The following DLGAP1 variants were observed in gnomAD, a reference collection of about 807,000 sequenced individuals.
DLGAP1 encodes disks large-associated protein 1.
DLGAP1 carries 11 observed loss-of-function variants against 90.8 expected under a neutral mutation model. The observed-to-expected ratio is 0.12, with a 90% CI of 0.08 to 0.20. The LOEUF (loss-of-function observed/expected upper bound fraction) is 0.20. Ranked by LOEUF, DLGAP1 falls within the 10% of genes least tolerant of loss-of-function variation. The pLI, the probability that DLGAP1 is intolerant of heterozygous loss-of-function variation, is 1.00. For missense variants in DLGAP1, 1,050 were observed against 1,333.8 expected, an observed-to-expected ratio of 0.79 and a Z score of 3.31; for synonymous variants, 558 against 540.7, an observed-to-expected ratio of 1.03 and a Z score of -0.44.
intron 3 of DLGAP1, among the ~76,000 whole-genome samples, chr18:3,916,297 C>T (rs1599155344): frequency 6.6e-6 from 1 of 152,282 alleles, no homozygotes; most frequent in East Asian, 1.9e-4. Flanking sequence ...GGCTTGGGCT[C>T]CCTGCCATCT....
Position 4,127,389 on chromosome 18 carries a change from T to C in DLGAP1, c.-159+23791A>G, listed in dbSNP as rs371460902. Among the ~76,000 whole-genome samples the C allele has an allele frequency of 1.2e-4, 18 of 152,302 alleles. 3 individuals are homozygous for C. The highest frequency in any genetic ancestry group is 7.2e-5 in the African/African-American group (3 of 41,574). On this transcript the variant is annotated intron_variant, in intron 2 of 12. Coordinates refer to ENST00000315677, the MANE Select transcript of DLGAP1 (RefSeq NM_004746.4). ...ACTACTTGCATTTTTTGGTAATCAT[T>C]AGTCATTTTACTGCAAAAATGAAGA...
chr18:3,974,215 C>T (rs2149011796), intron 3 of DLGAP1, among the ~76,000 whole-genome samples: 1 of 152,200 alleles, frequency 6.6e-6, no homozygotes, highest in East Asian at 1.9e-4. Context: ...GCTGGGATCA[C>T]AGGTGCCCAC....
intron 4 of DLGAP1, among the ~76,000 whole-genome samples, chr18:3,856,537 A>G (rs1345725347): frequency 6.6e-6 from 1 of 152,106 alleles, no homozygotes; most frequent in Admixed American, 6.6e-5. Context: ...GAAGAAACCT[A>G]TTACTAATGG....
At chr18:3,835,629 C>G (rs1339957642) in intron 4 of DLGAP1, among the ~76,000 whole-genome samples, 1 of 134,448 alleles carries the variant, frequency 7.4e-6, no homozygotes, top group Non-Finnish European at 1.5e-5. Flanking sequence ...AGTGTGGCAA[C>G]AGAGCAAGGC....
At chr18:4,272,481 G>A (rs1049258764) in intron 1 of DLGAP1, among the ~76,000 whole-genome samples, 6 of 152,196 alleles carry the variant, frequency 3.9e-5, no homozygotes, top group Admixed American at 1.3e-4. Flanking sequence ...TAGCAGCCAT[G>A]TGATGGCATT....
At chr18:3,913,086 T>G (rs2072070115) in intron 3 of DLGAP1, among the ~76,000 whole-genome samples, 1 of 152,174 alleles carries the variant, frequency 6.6e-6, no homozygotes, top group Non-Finnish European at 1.5e-5. Context: ...TTAGGATTCC[T>G]TAGTGGGAAG....
At chr18:4,112,696 T>C (rs1598421718) in intron 2 of DLGAP1, among the ~76,000 whole-genome samples, 1 of 152,214 alleles carries the variant, frequency 6.6e-6, no homozygotes, top group East Asian at 1.9e-4. Flanking sequence ...AGGTTTGGGG[T>C]ACAATTTATC....
chr18:4,170,282 G>A (rs1465720877), intron 1 of DLGAP1, among the ~76,000 whole-genome samples: 1 of 152,174 alleles, frequency 6.6e-6, no homozygotes, highest in Admixed American at 6.5e-5. Context: ...TGGGATTAAT[G>A]GAGTTCCATT....
chr18:3,937,155 A>G (rs973865254), intron 3 of DLGAP1, among the ~76,000 whole-genome samples: 2 of 152,238 alleles, frequency 1.3e-5, no homozygotes, highest in African/African-American at 4.8e-5. Flanking sequence ...GTGTGCTTTC[A>G]AGCTACTACA....
chr18:3,653,255 C>G lies in DLGAP1; in HGVS notation c.1592-71007G>C, dbSNP rs2059375733. On this transcript the variant is annotated intron_variant, in intron 7 of 12. Coordinates refer to ENST00000315677, the MANE Select transcript of DLGAP1 (RefSeq NM_004746.4). The surrounding 1 kb of genome is among the most constrained non-coding windows in gnomAD (Gnocchi z 4.6). ...CCTGCCATTGGTGCGACTGTTTCCCCCTTCCGTCAAATTGCTGTCTAGATG... is the reference window on the plus strand; with the variant it reads ...CCTGCCATTGGTGCGACTGTTTCCCGCTTCCGTCAAATTGCTGTCTAGATG... Among the ~76,000 whole-genome samples, 1 of 152,072 alleles carries G rather than the reference C, an allele frequency of 6.6e-6. No individual in the cohort carries two copies. The highest frequency in any genetic ancestry group is 1.5e-5 in the Non-Finnish European group (1 of 68,022).
At chr18:3,670,957 C>T (rs11872098) in intron 7 of DLGAP1, among the ~76,000 whole-genome samples, 37,656 of 152,096 alleles carry the variant, frequency 0.25, 5,091 homozygotes, top group African/African-American at 0.34. Flanking sequence ...TTAATAATCT[C>T]CCACTGCTCT....
intron 2 of DLGAP1, among the ~76,000 whole-genome samples, chr18:4,062,252 C>G (rs1386010501): frequency 6.6e-6 from 1 of 152,114 alleles, no homozygotes; most frequent in Non-Finnish European, 1.5e-5. Flanking sequence ...TCTTTCACAA[C>G]AGGACACAAT....
At chr18:3,948,653 C>T (rs908026955) in intron 3 of DLGAP1, among the ~76,000 whole-genome samples, 7 of 152,162 alleles carry the variant, frequency 4.6e-5, no homozygotes, top group Non-Finnish European at 8.8e-5. Context: ...TTGCAGCAAC[C>T]TGGATGGGAC....
chr18:3,634,848 A>C (rs2058641428), intron 7 of DLGAP1, among the ~76,000 whole-genome samples: 1 of 152,228 alleles, frequency 6.6e-6, no homozygotes, highest in Non-Finnish European at 1.5e-5. Context: ...ACCAAACATT[A>C]AATTTCCTAC....
In DLGAP1 at chr18:3,600,823, T is replaced by TATAG. The variant is rs2056909006; in HGVS notation, c.1592-18579_1592-18576dup. On this transcript the variant is annotated intron_variant, in intron 7 of 12. Transcript: ENST00000315677. ...ATAGATATATAGATATATATAGATA[T>TATAG]ATAGATATATATAGATATATATAGA... is the stretch of plus-strand genomic sequence containing the variant. Among the ~76,000 whole-genome samples the TATAG allele has an allele frequency of 1.3e-4, 16 of 122,810 alleles. 3 individuals carry two copies. Among genetic ancestry groups the TATAG allele is most frequent in the African/African-American group, 4.4e-4 (13 of 29,336 alleles). 80.6% of individuals were successfully genotyped at this position (122,810 alleles called of 152,430 possible).
intron 5 of DLGAP1, among the ~76,000 whole-genome samples, chr18:3,800,767 T>C (rs924195408): frequency 2.6e-5 from 4 of 152,130 alleles, no homozygotes; most frequent in African/African-American, 9.7e-5. Flanking sequence ...TATTTCTAAA[T>C]AAAAAAGAGA....
At position 4,054,258 on chromosome 18, in the gene DLGAP1, G is replaced by A. The variant is rs78765379; in HGVS notation, c.-158-49057C>T. ...CCCCATGAGGGATAGATAGTATATC[G>A]GCAGGGAGGAAAAACACCCCCAAAT... is the stretch of plus-strand genomic sequence containing the variant. On this transcript the variant is annotated intron_variant, in intron 2 of 12. Coordinates refer to ENST00000315677, the MANE Select transcript of DLGAP1 (RefSeq NM_004746.4). Among the ~76,000 whole-genome samples, 447 of 152,260 alleles carry A rather than the reference G, an allele frequency of 2.9e-3. 6 individuals are homozygous for A. The highest frequency in any genetic ancestry group is 0.021 in the Admixed American group (318 of 15,300).
chr18:3,634,711 T>G (rs1034241457), intron 7 of DLGAP1, among the ~76,000 whole-genome samples: 1 of 152,224 alleles, frequency 6.6e-6, no homozygotes. Context: ...CCACATGAGA[T>G]GAGGTAATTG....
At chr18:3,641,115 G>T (rs897924415) in intron 7 of DLGAP1, among the ~76,000 whole-genome samples, 2 of 151,960 alleles carry the variant, frequency 1.3e-5, no homozygotes, top group African/African-American at 4.8e-5. Context: ...GTAAGACAAT[G>T]TATTATATGT....
Sources: allele counts gnomAD v4.1 joint callset (sites outside exome capture counted in the v4.1 genomes callset), GRCh38; gene constraint gnomAD v4.1.1; non-coding constraint Gnocchi (gnomAD v3.1); transcripts MANE v1.5; gene names NCBI Gene and HGNC (gene_info 2026-07-23, HGNC 2026-07-21).